SULF1: variants seen among roughly 807,000 people sequenced by gnomAD.
The protein encoded by SULF1 is sulfatase 1.
In SULF1, 46 loss-of-function variants were observed where a neutral mutation model predicts 110.5. The observed-to-expected ratio is 0.42, with a 90% CI of 0.33 to 0.53. SULF1 has a LOEUF of 0.53. Ranked by LOEUF, SULF1 falls within the 20% of genes least tolerant of loss-of-function variation. SULF1 has a pLI of 0.12. For missense variants in SULF1, 941 were observed against 1,094.2 expected, an observed-to-expected ratio of 0.86 and a Z score of 1.98; for synonymous variants, 371 against 387.1, an observed-to-expected ratio of 0.96 and a Z score of 0.49.
chr8:69,485,159 T>C (rs1809654531), intron 1 of SULF1, among the ~76,000 whole-genome samples: 1 of 152,166 alleles, frequency 6.6e-6, no homozygotes, highest in African/African-American at 2.4e-5. Context: ...CCTTTTGTGG[T>C]TTCTTCCCAC....
chr8:69,522,338 C>T (rs1441972495), intron 3 of SULF1, among the ~76,000 whole-genome samples: 1 of 152,158 alleles, frequency 6.6e-6, no homozygotes, highest in Non-Finnish European at 1.5e-5. Context: ...AGCCACCGTG[C>T]TCAGCCAAAG....
rs373781411 is a variant in SULF1, at chr8:69,576,222, G to A, written c.412+13G>A. 1.4e-5 allele frequency: 22 copies of A among 1,610,752 alleles called. No homozygotes were observed. The highest frequency in any genetic ancestry group is 1.7e-5 in the Non-Finnish European group (20 of 1,177,892). ...GGCTACAGAACAGGTAAGGGATGAC[G>A]TTTCTAGCCCATGAACGTCTTGTAA... On this transcript the variant is annotated intron_variant, in intron 6 of 22. Coordinates refer to ENST00000402687, the MANE Select transcript of SULF1 (RefSeq NM_001128205.2).
At chr8:69,520,143 ACACACACACACAC>A (rs1291697754) in intron 3 of SULF1, among the ~76,000 whole-genome samples, 1 of 151,882 alleles carries the variant, frequency 6.6e-6, no homozygotes, top group African/African-American at 2.4e-5. Flanking sequence ...ACACACACAC[ACACACACACACAC>A]ATCACTGTGT....
chr8:69,609,867 T>C (rs566506612), intron 13 of SULF1, among the ~76,000 whole-genome samples: 77 of 152,174 alleles, frequency 5.1e-4, no homozygotes, highest in Non-Finnish European at 8.7e-4. Context: ...TTTTCCAAGC[T>C]CCCCTGATGA....
At chr8:69,499,482 A>G (rs1425949652) in intron 2 of SULF1, among the ~76,000 whole-genome samples, 1 of 152,244 alleles carries the variant, frequency 6.6e-6, no homozygotes, top group African/African-American at 2.4e-5. Context: ...ACACCTGTTT[A>G]TAAGGAACTG....
At chr8:69,619,367 A>G (rs1471143363) in intron 13 of SULF1, among the ~76,000 whole-genome samples, 4 of 152,208 alleles carry the variant, frequency 2.6e-5, no homozygotes, top group Admixed American at 1.3e-4. Flanking sequence ...TGCCTCCCCA[A>G]TTAATTTTGT....
intron 3 of SULF1, among the ~76,000 whole-genome samples, chr8:69,544,930 C>A (rs1298572001): frequency 1.3e-5 from 2 of 152,052 alleles, no homozygotes; most frequent in African/African-American, 4.8e-5. Context: ...ACCACTTAAC[C>A]TCTTTCAGGA....
chr8:69,594,725 C>T (rs1219782704), intron 8 of SULF1, among the ~76,000 whole-genome samples: 2 of 151,804 alleles, frequency 1.3e-5, no homozygotes, highest in East Asian at 3.9e-4. Context: ...AAAAAAAAAT[C>T]TGATTTGGGC....
At position 69,511,334 on chromosome 8, in the gene SULF1, G is replaced by C. The variant is rs531917090; in HGVS notation, c.-134+9366G>C. On this transcript the variant is annotated intron_variant, in intron 3 of 22. Coordinates refer to ENST00000402687, the MANE Select transcript of SULF1 (RefSeq NM_001128205.2). The stretch of plus-strand genomic sequence containing the variant: ...TTTTTCTCCCATTCAATCATGATTT[G>C]ACAAATACTAATAAATAACAACTAA... 2.6e-5 allele frequency among the ~76,000 whole-genome samples: 4 copies of C among 152,088 alleles called. No individual in the cohort carries two copies. The South Asian group carries it at 8.3e-4, about 32-fold the overall frequency.
intron 6 of SULF1, among the ~76,000 whole-genome samples, chr8:69,583,367 A>G (rs530356239): frequency 6.6e-6 from 1 of 151,434 alleles, no homozygotes; most frequent in South Asian, 2.1e-4. Context: ...CAGGAGTTCG[A>G]GACCAACCTG....
intron 9 of SULF1, 80 bp from the exon 10 acceptor site, chr8:69,601,574 G>A (rs1807805719): frequency 8.3e-7 from 1 of 1,206,676 alleles, no homozygotes; most frequent in Admixed American, 2.8e-5. Flanking sequence ...AAAAGATTTG[G>A]GGGCAATCGT....
At chr8:69,471,838 G>T (rs954720283) in intron 1 of SULF1, among the ~76,000 whole-genome samples, 16 of 152,170 alleles carry the variant, frequency 1.1e-4, no homozygotes, top group Non-Finnish European at 1.8e-4. Context: ...AGGGTTGATT[G>T]GTGCATATGT....
intron 3 of SULF1, among the ~76,000 whole-genome samples, chr8:69,548,614 A>ATTTTTTTTTTTT (rs3059933): frequency 5.0e-5 from 6 of 120,910 alleles, no homozygotes; most frequent in African/African-American, 1.6e-4. Context: ...TGCCTCGCTG[A>ATTTTTTTTTTTT]TTTTTTTTTT....
At chr8:69,597,676 G>A (rs1036744101) in intron 8 of SULF1, 1 of 152,146 alleles carries the variant, frequency 6.6e-6, no homozygotes, top group African/African-American at 2.4e-5. Flanking sequence ...TCCCCACTGT[G>A]AGCCTGCATT....
intron 5 of SULF1, among the ~76,000 whole-genome samples, chr8:69,565,035 C>G (rs1815766088): frequency 6.6e-6 from 1 of 152,184 alleles, no homozygotes; most frequent in Non-Finnish European, 1.5e-5. Context: ...GCTCCTGAGG[C>G]TCAGGTTCTT....
chr8:69,630,901 C>T (rs4738007), intron 19 of SULF1, among the ~76,000 whole-genome samples: 77,758 of 151,496 alleles, frequency 0.51, 20,409 homozygotes, highest in African/African-American at 0.59. Context: ...ATGTGCCATG[C>T]TGGTGTGCTG....
Position 69,600,768 on chromosome 8 carries a change from C to T in SULF1, c.885+15C>T, listed in dbSNP as rs1481103717. The T allele has an allele frequency of 1.2e-6, 2 of 1,608,796 alleles. No individual in the cohort carries two copies. Among genetic ancestry groups the T allele is most frequent in the East Asian group, 2.2e-5 (1 of 44,832 alleles). The stretch of plus-strand genomic sequence containing the variant: ...CTGTGGAGAGGGTAAGCACATGAAC[C>T]TACCTCAGTGATAGTTTTTGGCCCA... On this transcript the variant is annotated intron_variant, in intron 9 of 22. Coordinates refer to ENST00000402687, the MANE Select transcript of SULF1 (RefSeq NM_001128205.2).
chr8:69,629,447 T>G (rs938716378), intron 18 of SULF1, 57 bp from the exon 19 acceptor site: 1 of 1,530,840 alleles, frequency 6.5e-7, no homozygotes, highest in Non-Finnish European at 8.8e-7. Context: ...AACAAGCCTA[T>G]TTGTAATTGA....
chr8:69,502,831 G>A (rs1334890650), intron 3 of SULF1, among the ~76,000 whole-genome samples: 1 of 151,672 alleles, frequency 6.6e-6, no homozygotes, highest in Non-Finnish European at 1.5e-5. Flanking sequence ...GGGATTACAG[G>A]CGCCTGCCAC....
Sources: gnomAD v4.1 joint callset for allele counts (sites outside exome capture counted in the v4.1 genomes callset) on GRCh38, gnomAD v4.1.1 for gene constraint, MANE v1.5 for transcripts, NCBI Gene and HGNC (gene_info 2026-07-23, HGNC 2026-07-21) for gene names.